The following IL1RAPL1 variants were observed in gnomAD, a reference collection of about 807,000 sequenced individuals.
The protein encoded by IL1RAPL1 is interleukin 1 receptor accessory protein like 1.
In IL1RAPL1, 3 loss-of-function variants were observed where a neutral mutation model predicts 48.4. That is an observed-to-expected ratio of 0.06 (90% CI 0.03 to 0.16). The LOEUF (loss-of-function observed/expected upper bound fraction) is 0.16. Ranked by LOEUF, IL1RAPL1 falls within the 10% of genes least tolerant of loss-of-function variation. The pLI, the probability that IL1RAPL1 is intolerant of heterozygous loss-of-function variation, is 1.00. For missense variants in IL1RAPL1, 349 were observed against 530.6 expected, an observed-to-expected ratio of 0.66 and a Z score of 3.36; for synonymous variants, 185 against 187.7, an observed-to-expected ratio of 0.99 and a Z score of 0.12.
intron 2 of IL1RAPL1, among the ~76,000 whole-genome samples, chrX:28,844,343 A>G (rs1199214498): frequency 9.3e-6 from 1 of 107,865 alleles, no homozygotes; most frequent in Non-Finnish European, 1.9e-5. Flanking sequence ...GACAAATACA[A>G]TGTGGTAAGA....
intron 5 of IL1RAPL1, among the ~76,000 whole-genome samples, chrX:29,517,991 C>T (rs1389973370): frequency 2.7e-5 from 3 of 111,772 alleles, no homozygotes; most frequent in Non-Finnish European, 5.6e-5. Flanking sequence ...GAGGAACCGT[C>T]ATTGGTTAAA....
chrX:28,646,008 A>G (rs913297870), intron 1 of IL1RAPL1, among the ~76,000 whole-genome samples: 1 of 111,990 alleles, frequency 8.9e-6, no homozygotes, highest in Non-Finnish European at 1.9e-5. Flanking sequence ...TTTTTAAAGG[A>G]TCTTCACCCA....
chrX:29,499,942 T>A lies in IL1RAPL1; in HGVS notation c.703+100634T>A, dbSNP rs964664397. ...ACCTTAAATATTTGATCTTTCTTTA[T>A]GCTAGAAACATTAGAATTCTTCTTT... On this transcript the variant is annotated intron_variant, in intron 5 of 10. Coordinates refer to ENST00000378993, the MANE Select transcript of IL1RAPL1 (RefSeq NM_014271.4). Among the ~76,000 whole-genome samples the A allele has an allele frequency of 1.3e-4, 14 of 111,807 alleles. No homozygotes were observed. The Admixed American group carries it at 1.3e-3, about 11-fold the overall frequency.
chrX:29,325,537 G>T (rs1004743510), intron 3 of IL1RAPL1, among the ~76,000 whole-genome samples: 34 of 111,863 alleles, frequency 3.0e-4, no homozygotes, highest in African/African-American at 1.1e-3. Flanking sequence ...AAATCAGGCA[G>T]TGTTTTAATT....
intron 6 of IL1RAPL1, among the ~76,000 whole-genome samples, chrX:29,876,781 C>T (rs1931912587): frequency 8.9e-6 from 1 of 111,803 alleles, no homozygotes; most frequent in African/African-American, 3.2e-5. Context: ...AAGCTTATAT[C>T]AATGTACTTA....
intron 6 of IL1RAPL1, among the ~76,000 whole-genome samples, chrX:29,819,229 G>T (rs1333488099): frequency 6.3e-5 from 7 of 111,506 alleles, no homozygotes; most frequent in African/African-American, 2.3e-4. Flanking sequence ...CATTTGAACT[G>T]CTAAAAGTCA....
At chrX:29,024,520 A>G (rs891900212) in intron 2 of IL1RAPL1, among the ~76,000 whole-genome samples, 2 of 111,973 alleles carry the variant, frequency 1.8e-5, no homozygotes, top group African/African-American at 6.5e-5. Flanking sequence ...TTACCTATAA[A>G]ATAGGCAAAA....
At chrX:29,402,937 T>C (rs1428805356) in intron 5 of IL1RAPL1, among the ~76,000 whole-genome samples, 1 of 111,884 alleles carries the variant, frequency 8.9e-6, no homozygotes, top group Non-Finnish European at 1.9e-5. Context: ...ACATGTCATA[T>C]CAGCCTGACT....
chrX:29,647,525 G>T (rs139006835), intron 5 of IL1RAPL1, among the ~76,000 whole-genome samples: 2,975 of 111,312 alleles, frequency 0.027, 122 homozygotes, highest in African/African-American at 0.092. Flanking sequence ...ATATGAGTGT[G>T]TGTGGAGTTA....
At chrX:29,901,606 C>T (rs904639954) in intron 6 of IL1RAPL1, among the ~76,000 whole-genome samples, 2 of 111,432 alleles carry the variant, frequency 1.8e-5, no homozygotes, top group African/African-American at 6.5e-5. Context: ...CATATTTTTC[C>T]TTTTTGTTTC....
chrX:29,510,141 C>G (rs1466982114), intron 5 of IL1RAPL1, among the ~76,000 whole-genome samples: 1 of 112,220 alleles, frequency 8.9e-6, no homozygotes, highest in Non-Finnish European at 1.9e-5. Context: ...CAGTTACTCT[C>G]AAACACATTA....
chrX:29,342,154 G>GTGTGTTTGT (rs1555995845), intron 3 of IL1RAPL1, among the ~76,000 whole-genome samples: 13 of 74,377 alleles, frequency 1.7e-4, no homozygotes, highest in African/African-American at 1.0e-3. Context: ...GTGTGTGTGT[G>GTGTGTTTGT]TTTGTTTTGT....
intron 2 of IL1RAPL1, among the ~76,000 whole-genome samples, chrX:29,080,978 T>TTCTTTCTC (rs1927803933): frequency 2.2e-5 from 1 of 45,101 alleles, no homozygotes; most frequent in African/African-American, 1.1e-4. Flanking sequence ...CTTTCTTTCT[T>TTCTTTCTC]TCTTTCTTTC....
chrX:28,971,633 C>G (rs1925073375), intron 2 of IL1RAPL1, among the ~76,000 whole-genome samples: 3 of 111,273 alleles, frequency 2.7e-5, no homozygotes, highest in Non-Finnish European at 5.7e-5. Flanking sequence ...GCTCATTAGT[C>G]TTGGAAGAAT....
At chrX:29,702,021 G>A (rs1927065058) in intron 6 of IL1RAPL1, among the ~76,000 whole-genome samples, 1 of 111,257 alleles carries the variant, frequency 9.0e-6, no homozygotes, top group Non-Finnish European at 1.9e-5. Context: ...TTGGGAGGCC[G>A]AGGTAGGCGG....
intron 2 of IL1RAPL1, among the ~76,000 whole-genome samples, chrX:28,862,159 T>G (rs2147302993): frequency 8.9e-6 from 1 of 112,407 alleles, no homozygotes; most frequent in South Asian, 3.7e-4. Context: ...GCTTTGGTTT[T>G]ACCGTCAACA....
chrX:29,365,159 A>C (rs1933434176), intron 3 of IL1RAPL1, among the ~76,000 whole-genome samples: 1 of 111,763 alleles, frequency 8.9e-6, no homozygotes, highest in Non-Finnish European at 1.9e-5. Context: ...AAATAGACTT[A>C]GATGGGTGGT....
At chrX:28,693,858 T>C (rs1935203694) in intron 1 of IL1RAPL1, among the ~76,000 whole-genome samples, 1 of 111,852 alleles carries the variant, frequency 8.9e-6, no homozygotes, top group South Asian at 3.8e-4. Flanking sequence ...TGTTTTACTT[T>C]GAAGGCACTA....
intron 2 of IL1RAPL1, among the ~76,000 whole-genome samples, chrX:28,840,854 A>G (rs1444761589): frequency 9.1e-6 from 1 of 110,434 alleles, no homozygotes; most frequent in Admixed American, 9.7e-5. Flanking sequence ...GGGAAACCTT[A>G]GGTTATATCC....
Sources: gnomAD v4.1 joint callset for allele counts (sites outside exome capture counted in the v4.1 genomes callset) on GRCh38, gnomAD v4.1.1 for gene constraint, MANE v1.5 for transcripts, NCBI Gene and HGNC (gene_info 2026-07-23, HGNC 2026-07-21) for gene names.